Variants in SWT1 observed in about 807,000 individuals in gnomAD.
The protein encoded by SWT1 is transcriptional protein SWT1.
Under a neutral mutation model 107.3 loss-of-function variants are expected in SWT1, and 33 were observed. The ratio of observed to expected loss-of-function variants is 0.31; its 90% CI spans 0.23 to 0.41. The LOEUF is 0.41. SWT1 is among the 10% of genes least tolerant of loss of function. The pLI is 1.00. For missense variants in SWT1, 898 were observed against 1,028.9 expected, an observed-to-expected ratio of 0.87 and a Z score of 1.74; for synonymous variants, 345 against 348.3, an observed-to-expected ratio of 0.99 and a Z score of 0.11.
intron 18 of SWT1, among the ~76,000 whole-genome samples, chr1:185,279,248 G>T (rs1664458398): frequency 6.6e-6 from 1 of 152,124 alleles, no homozygotes; most frequent in Non-Finnish European, 1.5e-5. Flanking sequence ...AGTGTAAAAA[G>T]CTTATTGTAG....
At chr1:185,180,676 G>A (rs1181418830) in intron 6 of SWT1, among the ~76,000 whole-genome samples, 2 of 152,120 alleles carry the variant, frequency 1.3e-5, no homozygotes, top group African/African-American at 2.4e-5. Flanking sequence ...TGTGAACAAA[G>A]AGCATGAAAC....
intron 9 of SWT1, among the ~76,000 whole-genome samples, chr1:185,188,452 G>A (rs930753335): frequency 1.3e-5 from 2 of 152,106 alleles, no homozygotes; most frequent in African/African-American, 4.8e-5. Flanking sequence ...GAATTTAAGG[G>A]AAATTGACTA....
intron 15 of SWT1, among the ~76,000 whole-genome samples, chr1:185,224,597 T>C (rs1659912461): frequency 6.6e-6 from 1 of 152,222 alleles, no homozygotes; most frequent in African/African-American, 2.4e-5. Context: ...TATTAATTCT[T>C]CCAATACATG....
In SWT1 at chr1:185,190,580, A is replaced by G; in HGVS notation, c.1461A>G (p.Arg487=). The part of the protein sequence containing the change: ...YGLSDENNDD[R]VLKCCLQHQE... The stretch of plus-strand genomic sequence containing the variant: ...TGAGTGATGAGAACAATGATGATCG[A>G]GTACTAAAATGCTGTCTCCAGCACC... The change falls in exon 10 of 19, where the codon CGA becomes CGG. Residue 487 remains arginine, a synonymous_variant. Coordinates refer to ENST00000367500, the MANE Select transcript of SWT1 (RefSeq NM_017673.7). 6.2e-7 allele frequency: 1 copy of G among 1,611,756 alleles called. No homozygotes were observed. The highest frequency in any genetic ancestry group is 8.5e-7 in the Non-Finnish European group (1 of 1,178,052).
chr1:185,168,430 G>A, intron 4 of SWT1, 32 bp downstream of exon 4: 1 of 1,325,824 alleles, frequency 7.5e-7, no homozygotes, highest in Non-Finnish European at 1.0e-6. Context: ...TTACTGTTTT[G>A]GTTTAGAATT....
intron 15 of SWT1, 88 bp downstream of exon 15, chr1:185,222,124 A>G (rs1213002205): frequency 1.1e-6 from 1 of 900,702 alleles, no homozygotes. Flanking sequence ...TTGATGTGCA[A>G]TTTGACGTTT....
intron 16 of SWT1, among the ~76,000 whole-genome samples, chr1:185,267,166 A>T (rs1663466025): frequency 6.6e-6 from 1 of 152,208 alleles, no homozygotes; most frequent in South Asian, 2.1e-4. Context: ...ACATCTGAAA[A>T]GTGGTTATTA....
intron 2 of SWT1, among the ~76,000 whole-genome samples, chr1:185,164,635 A>G (rs1460289740): frequency 6.6e-6 from 1 of 152,190 alleles, no homozygotes; most frequent in East Asian, 1.9e-4. Context: ...CTTAAACCTC[A>G]TGAACCAACC....
intron 13 of SWT1, 80 bp from the exon 14 acceptor site, chr1:185,214,427 T>C: frequency 9.0e-7 from 1 of 1,114,846 alleles, no homozygotes; most frequent in Admixed American, 2.5e-5. Flanking sequence ...AATTTCAAAA[T>C]TAATATTAGT....
intron 15 of SWT1, among the ~76,000 whole-genome samples, chr1:185,228,190 CATAT>C (rs66669113): frequency 1.2e-5 from 1 of 82,322 alleles, no homozygotes; most frequent in African/African-American, 4.2e-5. Flanking sequence ...TATATATATA[CATAT>C]ATATATACTC....
At chr1:185,242,927 A>T (rs1481625021) in intron 16 of SWT1, among the ~76,000 whole-genome samples, 1 of 152,230 alleles carries the variant, frequency 6.6e-6, no homozygotes, top group South Asian at 2.1e-4. Flanking sequence ...GAAATTAGGG[A>T]GAAATCAATA....
rs775579943 is a variant in SWT1, at chr1:185,163,212, TAA to T, written c.84+2288_84+2289del. Among the ~76,000 whole-genome samples, 4 of 152,072 alleles carry T rather than the reference TAA, an allele frequency of 2.6e-5. No homozygotes were observed. The South Asian group carries it at 8.3e-4, about 32-fold the overall frequency. ...CTCTGTAGCATGCAATTCAGTTTGA[TAA>T]CATTTTACAGCAGAACTTTCAAAAT... On this transcript the variant is annotated intron_variant, in intron 2 of 18. Coordinates refer to ENST00000367500, the MANE Select transcript of SWT1 (RefSeq NM_017673.7).
At position 185,222,485 on chromosome 1, in the gene SWT1, G is replaced by C. The variant is rs74391277; in HGVS notation, c.2309+449G>C. ...TGATAAGAACATTTAGGCCGGGCGT[G>C]GTGGCTTACACCCATAGTCCCAGCA... On this transcript the variant is annotated intron_variant, in intron 15 of 18. Coordinates refer to ENST00000367500, the MANE Select transcript of SWT1 (RefSeq NM_017673.7). Among the ~76,000 whole-genome samples, 900 of 152,148 alleles carry C rather than the reference G, an allele frequency of 5.9e-3. 34 individuals are homozygous for C. The East Asian group carries it at 0.096, about 16-fold the overall frequency.
chr1:185,187,737 T>A (rs1656616519), intron 9 of SWT1, among the ~76,000 whole-genome samples: 1 of 152,166 alleles, frequency 6.6e-6, no homozygotes, highest in South Asian at 2.1e-4. Context: ...CAGGCTGGAG[T>A]GCAATGGCGT....
Position 185,267,202 on chromosome 1 carries a change from T to A in SWT1, c.2442-4121T>A, listed in dbSNP as rs539579873. 3.3e-5 allele frequency among the ~76,000 whole-genome samples: 5 copies of A among 152,344 alleles called. No homozygotes were observed. The East Asian group carries it at 9.6e-4, about 29-fold the overall frequency. ...TATAACAGCTAATATTTATTGAGCA[T>A]GTACCGTGTGCCCTATGTTGTGCTA... On this transcript the variant is annotated intron_variant, in intron 16 of 18. Transcript: ENST00000367500.
chr1:185,276,891 A>C (rs1329511355), intron 18 of SWT1, among the ~76,000 whole-genome samples: 2 of 152,142 alleles, frequency 1.3e-5, no homozygotes, highest in Non-Finnish European at 2.9e-5. Context: ...TTTTGGCCTC[A>C]AGACTTTGTT....
intron 16 of SWT1, among the ~76,000 whole-genome samples, chr1:185,246,005 TG>T (rs1661580520): frequency 6.6e-6 from 1 of 152,098 alleles, no homozygotes; most frequent in South Asian, 2.1e-4. Context: ...TGACCTCAGG[TG>T]ATCTGCCCAC....
chr1:185,157,955 TC>T (rs1283200244), intron 1 of SWT1, among the ~76,000 whole-genome samples: 1 of 151,838 alleles, frequency 6.6e-6, no homozygotes, highest in Admixed American at 6.6e-5. Context: ...CTTTCTTCTG[TC>T]CCCCCGCGAT....
intron 5 of SWT1, among the ~76,000 whole-genome samples, chr1:185,177,984 A>T (rs192689633): frequency 3.3e-4 from 51 of 152,352 alleles, no homozygotes; most frequent in South Asian, 4.1e-4. Context: ...TAAGATGATT[A>T]TTAGCCTCAA....
Sources: gnomAD v4.1 joint callset for allele counts (sites outside exome capture counted in the v4.1 genomes callset) on GRCh38, gnomAD v4.1.1 for gene constraint, MANE v1.5 for transcripts, NCBI Gene and HGNC (gene_info 2026-07-23, HGNC 2026-07-21) for gene names.